NXN: variants seen among roughly 807,000 people sequenced by gnomAD.
NXN encodes nucleoredoxin.
A neutral mutation model predicts 48.6 loss-of-function variants in NXN; 16 were observed. The ratio of observed to expected loss-of-function variants is 0.33; its 90% CI spans 0.22 to 0.50. The LOEUF (loss-of-function observed/expected upper bound fraction) is 0.50. Among genes scored for constraint, NXN ranks in the 20% least tolerant of loss-of-function variants. The pLI, the probability that NXN is intolerant of heterozygous loss-of-function variation, is 0.98. For synonymous variants in NXN, 281 were observed against 269.6 expected (o/e 1.04, Z -0.41); for missense variants, 492 against 605.5 (o/e 0.81, Z 1.97).
intron 1 of NXN, among the ~76,000 whole-genome samples, chr17:845,086 TCCTAGGA>T (rs1171592529): frequency 6.6e-6 from 1 of 151,994 alleles, no homozygotes; most frequent in Non-Finnish European, 1.5e-5. Context: ...GGGAGAGAAC[TCCTAGGA>T]CCAGCTGCTA....
chr17:858,660 C>T (rs914690659), intron 1 of NXN, among the ~76,000 whole-genome samples: 5 of 150,918 alleles, frequency 3.3e-5, no homozygotes, highest in African/African-American at 9.8e-5. Flanking sequence ...ACCTGGGAGG[C>T]GGAGGTTGCA....
In NXN at chr17:917,016, A is replaced by G. The variant is rs1354292077; in HGVS notation, c.360+62303T>C. ...TTTTGGTGGGTCTTTATCTTCATTC[A>G]TTAATCACATTATCAGACATTCCCT... On this transcript the variant is annotated intron_variant, in intron 1 of 7. Coordinates refer to ENST00000336868, the MANE Select transcript of NXN (RefSeq NM_022463.5). This position sits in a 1 kb window ranked among gnomAD's most constrained non-coding sequence, Gnocchi z 4.5. 6.6e-6 allele frequency among the ~76,000 whole-genome samples: 1 copy of G among 152,248 alleles called. No individual in the cohort carries two copies. The highest frequency in any genetic ancestry group is 1.5e-5 in the Non-Finnish European group (1 of 68,034).
intron 1 of NXN, among the ~76,000 whole-genome samples, chr17:967,841 G>A (rs747371976): frequency 9.9e-5 from 15 of 151,980 alleles, no homozygotes; most frequent in Non-Finnish European, 1.5e-4. Context: ...GCATGGTGGC[G>A]GGCACCTGTA....
chr17:964,147 A>T (rs1234789093), intron 1 of NXN, among the ~76,000 whole-genome samples: 1 of 152,220 alleles, frequency 6.6e-6, no homozygotes, highest in African/African-American at 2.4e-5. Context: ...AACATGGCGT[A>T]TGAAGTCATG....
chr17:923,227 T>G (rs368989977), intron 1 of NXN, among the ~76,000 whole-genome samples: 1 of 152,062 alleles, frequency 6.6e-6, no homozygotes, highest in East Asian at 1.9e-4. Flanking sequence ...CTACAACATC[T>G]CCAGGCAGGG....
At chr17:819,230 GC>G in intron 5 of NXN, 1 of 573,302 alleles carries the variant, frequency 1.7e-6, no homozygotes, top group Non-Finnish European at 3.2e-6. Flanking sequence ...TACAGTGTGA[GC>G]TGCCATGCCC....
Position 951,884 on chromosome 17 carries a change from C to T in NXN, c.360+27435G>A, listed in dbSNP as rs142443374. ...GCACACTCAGTAGACGGAGGGCACC[C>T]GGGAAGGGGAGCTCAGCCTCCCCGA... On this transcript the variant is annotated intron_variant, in intron 1 of 7. Transcript: ENST00000336868. 2.1e-3 allele frequency among the ~76,000 whole-genome samples: 323 copies of T among 152,272 alleles called. 1 individual carries two copies. Among genetic ancestry groups the T allele is most frequent in the African/African-American group, 7.3e-3 (303 of 41,560 alleles).
intron 1 of NXN, among the ~76,000 whole-genome samples, chr17:829,305 A>C (rs1913317045): frequency 6.6e-6 from 1 of 151,532 alleles, no homozygotes; most frequent in South Asian, 2.1e-4. Flanking sequence ...ACAGGCATGC[A>C]CCACCTTGCC....
chr17:944,095 T>C (rs1000506534), intron 1 of NXN, among the ~76,000 whole-genome samples: 7 of 150,620 alleles, frequency 4.6e-5, no homozygotes, highest in African/African-American at 1.7e-4. Flanking sequence ...AAATATTAGC[T>C]GGGTGTGGTG....
chr17:890,981 T>C (rs1597699012), intron 1 of NXN, among the ~76,000 whole-genome samples: 2 of 152,064 alleles, frequency 1.3e-5, no homozygotes, highest in Non-Finnish European at 2.9e-5. Flanking sequence ...ACTTGGAACA[T>C]TTGTATTTTT....
At chr17:904,278 G>A (rs921692246) in intron 1 of NXN, among the ~76,000 whole-genome samples, 36 of 137,178 alleles carry the variant, frequency 2.6e-4, no homozygotes, top group African/African-American at 7.1e-4. Flanking sequence ...CGGGACCTGC[G>A]GGCTGCCCGG....
rs889469005 is a variant in NXN at position 958,311 on chromosome 17, C to A, written c.360+21008G>T. On this transcript the variant is annotated intron_variant, in intron 1 of 7. Transcript: ENST00000336868. The surrounding 1 kb of genome is among the most constrained non-coding windows in gnomAD (Gnocchi z 6.9). ...GTTACTCATCTTCCGAAAATGCTAA[C>A]GTGCTGACTGGGGCTAACCCTACGC... 2.0e-5 allele frequency among the ~76,000 whole-genome samples: 3 copies of A among 152,140 alleles called. No individual in the cohort carries two copies. The highest frequency in any genetic ancestry group is 3.2e-3 in the Middle Eastern group (1 of 316).
chr17:873,789 T>C (rs1455679624), intron 1 of NXN, among the ~76,000 whole-genome samples: 4 of 152,198 alleles, frequency 2.6e-5, no homozygotes, highest in East Asian at 3.8e-4. Flanking sequence ...TATGCCTTAA[T>C]TTAAACCATT....
At chr17:930,566 A>C (rs2150596291) in intron 1 of NXN, 1 of 152,352 alleles carries the variant, frequency 6.6e-6, no homozygotes, top group South Asian at 2.1e-4. Context: ...ACACAATGTA[A>C]ATACGAACAA....
At position 945,610 on chromosome 17, in the gene NXN, G is replaced by A. The variant is rs1259182001; in HGVS notation, c.360+33709C>T. On this transcript the variant is annotated intron_variant, in intron 1 of 7. Coordinates refer to ENST00000336868, the MANE Select transcript of NXN (RefSeq NM_022463.5). ...CGTGCCACTGCACTCCAGCCTGGGC[G>A]AGAGAGTGACTCCGTCTCAAAAAAA... is the stretch of plus-strand genomic sequence containing the variant. Among the ~76,000 whole-genome samples the A allele has an allele frequency of 5.6e-5, 8 of 142,838 alleles. No individual in the cohort carries two copies. In the South Asian group the frequency reaches 6.7e-4, roughly 12 times the overall value. 93.7% of individuals were successfully genotyped at this position (142,838 alleles called of 152,430 possible). A position where few individuals can be genotyped will look rare whatever the true frequency, so the allele number is the denominator to read the frequency against.
intron 5 of NXN, among the ~76,000 whole-genome samples, chr17:812,906 G>T (rs1345646950): frequency 7.2e-6 from 1 of 138,210 alleles, no homozygotes; most frequent in South Asian, 2.3e-4. Context: ...GTGTGTGCAT[G>T]TGTGACTGTA....
chr17:888,147 G>A (rs758656866), intron 1 of NXN, among the ~76,000 whole-genome samples: 5 of 151,912 alleles, frequency 3.3e-5, no homozygotes, highest in Non-Finnish European at 7.3e-5. Context: ...GGGTTTAAGG[G>A]ACTTCTCATG....
intron 6 of NXN, 62 bp downstream of exon 6, chr17:805,006 T>G: frequency 6.6e-7 from 1 of 1,507,220 alleles, no homozygotes. Flanking sequence ...TCCTCCCAAG[T>G]GAGGCCCCTC....
At chr17:832,704 T>C (rs1211567492) in intron 1 of NXN, among the ~76,000 whole-genome samples, 1 of 152,124 alleles carries the variant, frequency 6.6e-6, no homozygotes, top group African/African-American at 2.4e-5. Flanking sequence ...CCTCTCTGGA[T>C]GGGTAAGAAA....
Sources: gnomAD v4.1 joint callset for allele counts (sites outside exome capture counted in the v4.1 genomes callset) on GRCh38, gnomAD v4.1.1 for gene constraint, Gnocchi (gnomAD v3.1) non-coding constraint, MANE v1.5 for transcripts, NCBI Gene and HGNC (gene_info 2026-07-23, HGNC 2026-07-21) for gene names.